The following PCNX1 variants were observed in gnomAD, a reference collection of about 807,000 sequenced individuals.
PCNX1 encodes the protein pecanex 1.
Under a neutral mutation model 242.2 loss-of-function variants are expected in PCNX1, and 78 were observed. That is an observed-to-expected ratio of 0.32 (90% CI 0.27 to 0.39). The LOEUF is 0.39. PCNX1 is among the 10% of genes least tolerant of loss of function. The pLI is 1.00. For missense variants in PCNX1, 2,581 were observed against 2,856.5 expected (o/e 0.90, Z 2.20); for synonymous variants, 1,024 against 1,032.9 (o/e 0.99, Z 0.17).
At chr14:70,948,648 G>C (rs528044398) in intron 2 of PCNX1, among the ~76,000 whole-genome samples, 1 of 139,728 alleles carries the variant, frequency 7.2e-6, no homozygotes, top group Non-Finnish European at 1.6e-5. Context: ...TGTATATATA[G>C]ATGTGTATAT....
chr14:71,057,800 C>T (rs1474637442), intron 26 of PCNX1, 76 bp downstream of exon 26: 11 of 966,546 alleles, frequency 1.1e-5, no homozygotes, highest in African/African-American at 1.6e-5. Flanking sequence ...CTATCTCAAA[C>T]CAGAAGTTGT....
chr14:71,036,624 T>C (rs1395383816), intron 19 of PCNX1, among the ~76,000 whole-genome samples: 3 of 152,218 alleles, frequency 2.0e-5, no homozygotes, highest in African/African-American at 7.2e-5. Flanking sequence ...CTATCTTGTC[T>C]ATCTATGTAA....
At chr14:71,104,701 G>A (rs2062561206) in intron 32 of PCNX1, among the ~76,000 whole-genome samples, 1 of 152,134 alleles carries the variant, frequency 6.6e-6, no homozygotes, top group African/African-American at 2.4e-5. Context: ...AAGCTGAGGT[G>A]GGCAGATCAT....
At chr14:71,015,941 T>C (rs1284022800) in intron 11 of PCNX1, among the ~76,000 whole-genome samples, 1 of 151,924 alleles carries the variant, frequency 6.6e-6, no homozygotes, top group African/African-American at 2.4e-5. Context: ...GCCTGTGATC[T>C]CAGCACTTTG....
chr14:71,070,626 G>A (rs1278269044), intron 26 of PCNX1, among the ~76,000 whole-genome samples: 1 of 152,114 alleles, frequency 6.6e-6, no homozygotes, highest in African/African-American at 2.4e-5. Context: ...TTTTTTTGGA[G>A]CAGAAGGTCT....
intron 1 of PCNX1, among the ~76,000 whole-genome samples, chr14:70,945,533 T>G (rs1026436212): frequency 2.0e-5 from 3 of 151,212 alleles, no homozygotes; most frequent in Non-Finnish European, 4.4e-5. Context: ...TTTATGTTTT[T>G]CCATCCTAAT....
At chr14:70,991,617 A>G (rs947514963) in intron 7 of PCNX1, among the ~76,000 whole-genome samples, 1 of 152,202 alleles carries the variant, frequency 6.6e-6, no homozygotes, top group Non-Finnish European at 1.5e-5. Context: ...AAGGTTGCAT[A>G]TATCTTAAAT....
At chr14:70,926,824 A>T (rs138346947) in intron 1 of PCNX1, among the ~76,000 whole-genome samples, 1 of 152,234 alleles carries the variant, frequency 6.6e-6, no homozygotes, top group Non-Finnish European at 1.5e-5. Flanking sequence ...TGTGCAGTGT[A>T]TCTGGTATTA....
Position 71,074,453 on chromosome 14 carries a change from A to G in PCNX1, c.5106+655A>G, listed in dbSNP as rs533748595. On this transcript the variant is annotated intron_variant, in intron 27 of 35. Coordinates refer to ENST00000304743, the MANE Select transcript of PCNX1 (RefSeq NM_014982.3). ...ATGTTACTACAGTAGAAGGACACAG[A>G]TTAAAATCAGCCAAAGGAAGAGGTA... Among the ~76,000 whole-genome samples, 3 of 152,354 alleles carry G rather than the reference A, an allele frequency of 2.0e-5. No homozygotes were observed. The East Asian group carries it at 5.8e-4, about 29-fold the overall frequency.
intron 28 of PCNX1, among the ~76,000 whole-genome samples, chr14:71,077,988 C>T (rs1332092581): frequency 6.6e-6 from 1 of 152,152 alleles, no homozygotes; most frequent in Non-Finnish European, 1.5e-5. Context: ...GGACCTTTCT[C>T]TTAGAGATTA....
At chr14:70,997,230 T>C (rs2059379913) in intron 8 of PCNX1, among the ~76,000 whole-genome samples, 1 of 152,142 alleles carries the variant, frequency 6.6e-6, no homozygotes, top group Non-Finnish European at 1.5e-5. Context: ...TTTATATTGC[T>C]ATTTCTCTTT....
At chr14:71,010,271 A>C (rs185463922) in intron 9 of PCNX1, among the ~76,000 whole-genome samples, 3 of 152,082 alleles carry the variant, frequency 2.0e-5, no homozygotes, top group African/African-American at 7.2e-5. Context: ...CATTTTCTCT[A>C]TATATTGTAT....
chr14:71,046,571 G>A (rs1357324686), intron 20 of PCNX1, among the ~76,000 whole-genome samples: 1 of 151,862 alleles, frequency 6.6e-6, no homozygotes, highest in Non-Finnish European at 1.5e-5. Flanking sequence ...TGTAGCATTG[G>A]AAAAAAATAT....
intron 26 of PCNX1, among the ~76,000 whole-genome samples, chr14:71,069,008 T>G (rs2061525792): frequency 6.6e-6 from 1 of 152,116 alleles, no homozygotes; most frequent in Non-Finnish European, 1.5e-5. Context: ...AGAGATTTAA[T>G]GGACTTAACA....
intron 7 of PCNX1, among the ~76,000 whole-genome samples, chr14:70,992,086 G>A (rs180730195): frequency 3.3e-5 from 5 of 152,008 alleles, no homozygotes; most frequent in African/African-American, 4.8e-5. Flanking sequence ...AAAATTGTGC[G>A]CTTTATAGGT....
intron 1 of PCNX1, among the ~76,000 whole-genome samples, chr14:70,934,308 TGGCTCG>T (rs1408419596): frequency 6.6e-6 from 1 of 152,218 alleles, no homozygotes; most frequent in Non-Finnish European, 1.5e-5. Context: ...GTGGGGTAAA[TGGCTCG>T]GTTTCCCAGC....
intron 33 of PCNX1, 144 bp from the exon 34 acceptor site, chr14:71,108,458 TAA>T: frequency 1.8e-6 from 1 of 561,656 alleles, no homozygotes. Flanking sequence ...TTCTTTTTCT[TAA>T]CTTTAAAAGT....
chr14:71,107,920 CT>C (rs1338492197), intron 33 of PCNX1, among the ~76,000 whole-genome samples: 1 of 152,144 alleles, frequency 6.6e-6, no homozygotes, highest in Non-Finnish European at 1.5e-5. Context: ...TTAAATTAAG[CT>C]AGTTAACCTA....
At chr14:71,092,724 T>C (rs2062168909) in intron 30 of PCNX1, 1 of 152,206 alleles carries the variant, frequency 6.6e-6, no homozygotes. Flanking sequence ...GTTTACTGTT[T>C]TGTGCAAATG....
Sources: gnomAD v4.1 joint callset for allele counts (sites outside exome capture counted in the v4.1 genomes callset) on GRCh38, gnomAD v4.1.1 for gene constraint, MANE v1.5 for transcripts, NCBI Gene and HGNC (gene_info 2026-07-23, HGNC 2026-07-21) for gene names.